MRPS28: variants seen among roughly 807,000 people sequenced by gnomAD.
The protein encoded by MRPS28 is mitochondrial ribosomal protein S28, also known as small ribosomal subunit protein bS1m.
A neutral mutation model predicts 10.8 loss-of-function variants in MRPS28; 7 were observed. The ratio of observed to expected loss-of-function variants is 0.65; its 90% CI spans 0.37 to 1.22. The LOEUF (loss-of-function observed/expected upper bound fraction) is 1.22, where lower values mean the gene tolerates loss of function less well. Ranked by LOEUF, MRPS28 falls within the 50% of genes most tolerant of loss-of-function variation. The pLI is 0.02. For synonymous variants in MRPS28, 121 were observed against 93.3 expected, an observed-to-expected ratio of 1.30 and a Z score of -1.71; for missense variants, 265 against 232.9, an observed-to-expected ratio of 1.14 and a Z score of -0.90.
chr8:79,921,562 G>A (rs1303495522), intron 2 of MRPS28, among the ~76,000 whole-genome samples: 1 of 151,806 alleles, frequency 6.6e-6, no homozygotes, highest in Non-Finnish European at 1.5e-5. Flanking sequence ...ATTGTGAATG[G>A]GAGTTCACTC....
chr8:79,976,778 T>C (rs1440398003), intron 2 of MRPS28, among the ~76,000 whole-genome samples: 1 of 152,208 alleles, frequency 6.6e-6, no homozygotes, highest in East Asian at 1.9e-4. Context: ...TTTCCTTCAT[T>C]TGAATTTGTA....
chr8:79,948,105 G>A (rs931704378), intron 2 of MRPS28, among the ~76,000 whole-genome samples: 10 of 149,668 alleles, frequency 6.7e-5, no homozygotes, highest in Admixed American at 5.3e-4. Context: ...CTCCTGCCTC[G>A]GCCTCCTGAG....
rs564661801 is a variant in MRPS28, at chr8:80,005,908, A to G, written c.214-2728T>C. Among the ~76,000 whole-genome samples the G allele has an allele frequency of 6.6e-5, 10 of 152,362 alleles. No homozygotes were observed. In the East Asian group the frequency reaches 1.9e-3, roughly 29 times the overall value. The stretch of plus-strand genomic sequence containing the variant: ...AAAGAAGGCCACTACTTAATGGTAA[A>G]GGGATCAATTCAACAAGAAGAGCTA... On this transcript the variant is annotated intron_variant, in intron 1 of 2. Coordinates refer to ENST00000276585, the MANE Select transcript of MRPS28 (RefSeq NM_014018.3).
At chr8:80,025,549 TTAAA>T (rs1809473949) in intron 1 of MRPS28, among the ~76,000 whole-genome samples, 1 of 152,178 alleles carries the variant, frequency 6.6e-6, no homozygotes, top group African/African-American at 2.4e-5. Context: ...GCCTTCCTAC[TTAAA>T]TAAATTATGC....
At position 79,928,412 on chromosome 8, in the gene MRPS28, A is replaced by G. The variant is rs536690950; in HGVS notation, c.396-9264T>C. Among the ~76,000 whole-genome samples the G allele has an allele frequency of 1.8e-4, 28 of 152,028 alleles. No individual in the cohort carries two copies. The South Asian group carries it at 5.8e-3, about 32-fold the overall frequency. On this transcript the variant is annotated intron_variant, in intron 2 of 2. Coordinates refer to ENST00000276585, the MANE Select transcript of MRPS28 (RefSeq NM_014018.3). ...GACTTGACCATAGGTCGTGTTTGAT[A>G]TTTGCCCTTTGCACCCCCAATTTGG...
At chr8:79,922,915 G>A (rs1335790504) in intron 2 of MRPS28, among the ~76,000 whole-genome samples, 1 of 151,890 alleles carries the variant, frequency 6.6e-6, no homozygotes, top group African/African-American at 2.4e-5. Context: ...AAAGTCACTG[G>A]AAAATAATTT....
chr8:79,998,464 C>T (rs1159442062), intron 2 of MRPS28, among the ~76,000 whole-genome samples: 2 of 152,206 alleles, frequency 1.3e-5, no homozygotes, highest in African/African-American at 4.8e-5. Flanking sequence ...GATCAAATTA[C>T]TATTGTTCAT....
intron 2 of MRPS28, among the ~76,000 whole-genome samples, chr8:79,975,797 C>T (rs1807780867): frequency 6.6e-6 from 1 of 151,946 alleles, no homozygotes; most frequent in Non-Finnish European, 1.5e-5. Flanking sequence ...GTACAACCAA[C>T]CTATCCAGTT....
At chr8:79,924,563 CTT>C (rs1340265396) in intron 2 of MRPS28, among the ~76,000 whole-genome samples, 1 of 152,240 alleles carries the variant, frequency 6.6e-6, no homozygotes, top group East Asian at 1.9e-4. Flanking sequence ...AGTTGGAAGA[CTT>C]TATTCTACTT....
intron 1 of MRPS28, among the ~76,000 whole-genome samples, chr8:80,004,085 G>A: frequency 6.6e-6 from 1 of 152,214 alleles, no homozygotes. Context: ...ACAAAAGGCA[G>A]GAAAAACCTC....
chr8:79,973,862 G>C (rs1807708151), intron 2 of MRPS28, among the ~76,000 whole-genome samples: 2 of 149,660 alleles, frequency 1.3e-5, no homozygotes, highest in South Asian at 4.2e-4. Context: ...AAGAAAGAAA[G>C]AAAGTGAAGA....
intron 1 of MRPS28, among the ~76,000 whole-genome samples, chr8:80,017,330 C>T (rs920198823): frequency 2.0e-5 from 3 of 151,984 alleles, no homozygotes; most frequent in Non-Finnish European, 2.9e-5. Flanking sequence ...ATAGAATCAA[C>T]GAAAGCAAAA....
chr8:79,994,604 A>C (rs1808453094), intron 2 of MRPS28, among the ~76,000 whole-genome samples: 1 of 151,968 alleles, frequency 6.6e-6, no homozygotes, highest in Admixed American at 6.6e-5. Flanking sequence ...TTTAATTCAT[A>C]TTCTCATCAT....
At chr8:79,922,194 T>G (rs376514484) in intron 2 of MRPS28, among the ~76,000 whole-genome samples, 1 of 152,182 alleles carries the variant, frequency 6.6e-6, no homozygotes, top group Non-Finnish European at 1.5e-5. Flanking sequence ...GTTATTAAAA[T>G]GTAATGCCAG....
At chr8:79,939,823 A>G (rs1401574256) in intron 2 of MRPS28, among the ~76,000 whole-genome samples, 2 of 151,972 alleles carry the variant, frequency 1.3e-5, no homozygotes, top group Non-Finnish European at 2.9e-5. Flanking sequence ...ACAAAAAATT[A>G]GCCGGGCATG....
chr8:79,993,092 T>A (rs564574441), intron 2 of MRPS28, among the ~76,000 whole-genome samples: 1 of 152,322 alleles, frequency 6.6e-6, no homozygotes, highest in Admixed American at 6.5e-5. Flanking sequence ...GACCTTCTTT[T>A]AAAATAGCTT....
chr8:79,958,561 C>G (rs563184721), intron 2 of MRPS28: 33 of 565,956 alleles, frequency 5.8e-5, no homozygotes, highest in African/African-American at 5.6e-4. Flanking sequence ...AAGAGAGTCA[C>G]TAATTGATTT....
intron 2 of MRPS28, among the ~76,000 whole-genome samples, chr8:80,001,120 A>C (rs1808649634): frequency 6.6e-6 from 1 of 152,200 alleles, no homozygotes; most frequent in Non-Finnish European, 1.5e-5. Context: ...GTCACAAAAT[A>C]TATCTTTTTA....
chr8:79,958,044 A>C lies in MRPS28; in HGVS notation c.396-38896T>G, dbSNP rs1431484362. ...TTCACATATCATAAAATCTACCCAA[A>C]GTGTATAATTCAGTGACTTTGAATA... On this transcript the variant is annotated intron_variant, in intron 2 of 2. Coordinates refer to ENST00000276585, the MANE Select transcript of MRPS28 (RefSeq NM_014018.3). The C allele has an allele frequency of 2.9e-5, 6 of 205,568 alleles. No individual in the cohort carries two copies. In the East Asian group the frequency reaches 6.4e-4, roughly 22 times the overall value. 12.7% of individuals were successfully genotyped at this position (205,568 alleles called of 1,614,324 possible). A position where few individuals can be genotyped will look rare whatever the true frequency, so the allele number is the denominator to read the frequency against.
Sources: allele counts gnomAD v4.1 joint callset (sites outside exome capture counted in the v4.1 genomes callset), GRCh38; gene constraint gnomAD v4.1.1; transcripts MANE v1.5; gene names NCBI Gene and HGNC (gene_info 2026-07-23, HGNC 2026-07-21).